ABCA2: variants seen among roughly 807,000 people sequenced by gnomAD.
The protein encoded by ABCA2 is ATP binding cassette subfamily A member 2.
ABCA2 carries 84 observed loss-of-function variants against 262.8 expected under a neutral mutation model. The observed-to-expected ratio is 0.32, with a 90% CI of 0.27 to 0.38. ABCA2 has a LOEUF of 0.38. Ranked by LOEUF, ABCA2 falls within the 10% of genes least tolerant of loss-of-function variation. The pLI is 1.00. For missense variants in ABCA2, 2,662 were observed against 3,405.9 expected (o/e 0.78, Z 5.44); for synonymous variants, 1,696 against 1,502.9 (o/e 1.13, Z -2.97).
intron 28 of ABCA2, 31 bp downstream of exon 28, chr9:137,013,801 G>A (rs1236078851): frequency 2.5e-6 from 4 of 1,575,556 alleles, no homozygotes; most frequent in Non-Finnish European, 3.4e-6. Flanking sequence ...GGGGAGGCAA[G>A]CCCAGCACCC....
rs775618875 is a variant in ABCA2 at position 137,013,875 on chromosome 9, G to A, written c.4404C>T (p.Phe1468=). Residue 1468 remains phenylalanine, a synonymous_variant, in exon 28 of 49, where the codon TTC becomes TTT. Coordinates refer to ENST00000341511, the MANE Select transcript of ABCA2 (RefSeq NM_001606.5). ...LFSQILLPAF[F]VCVAMTVALS... Reference sequence around the variant, plus strand: ...GGGCCACGGTCATGGCCACGCAGACGAAGAAGGCTGGCAGCAAGATCTGGG... The same window carrying A: ...GGGCCACGGTCATGGCCACGCAGACAAAGAAGGCTGGCAGCAAGATCTGGG... 3.3e-5 allele frequency: 54 copies of A among 1,612,010 alleles called. No homozygotes were observed. The highest frequency in any genetic ancestry group is 3.7e-5 in the Non-Finnish European group (44 of 1,179,614).
rs772250768 is a variant in ABCA2 at position 137,013,176 on chromosome 9, G to A, written c.4693C>T (p.Arg1565Cys). The A allele has an allele frequency of 8.1e-6, 13 of 1,600,190 alleles. No homozygotes were observed. Among genetic ancestry groups the A allele is most frequent in the East Asian group, 2.3e-5 (1 of 44,258 alleles). Residue 1565 changes from arginine (R) to cysteine (C), a missense_variant, in exon 30 of 49, where the codon CGC (arginine) becomes TGC (cysteine). Coordinates refer to ENST00000341511, the MANE Select transcript of ABCA2 (RefSeq NM_001606.5). ...PTLNLSSGES[R>C]LLAARFFDSM... The stretch of plus-strand genomic sequence containing the variant: ...TCGAAGAACCGAGCCGCCAGCAGGC[G>A]CGACTCCCCGCTGCTCAGGTTCAAC...
rs776878326 is a variant in ABCA2 at position 137,018,226 on chromosome 9, T to A, written c.1945A>T (p.Asn649Tyr). ...AGGAAGTAGAAGCGGCCGCCAGTAT[T>A]GGGCCCAGGCCGCCAGTAGGCGCGG... ...IRRAYWRPGP[N>Y]TGGRFYFLYG... Residue 649 changes from asparagine (N) to tyrosine (Y), a missense_variant, in exon 14 of 49, where the codon AAT (asparagine) becomes TAT (tyrosine). Coordinates refer to ENST00000341511, the MANE Select transcript of ABCA2 (RefSeq NM_001606.5). The A allele has an allele frequency of 2.5e-6, 4 of 1,609,882 alleles. No homozygotes were observed. In the Admixed American group the frequency reaches 6.7e-5, roughly 27 times the overall value.
At position 137,010,293 on chromosome 9, in the gene ABCA2, C is replaced by G. The variant is rs1830988404; in HGVS notation, c.6253G>C (p.Gly2085Arg). The change falls in exon 41 of 49, where the codon GGG (glycine) becomes CGG (arginine). Residue 2085 changes from glycine (G) to arginine (R), a missense_variant. Physicochemically the swap from Gly to Arg is moderately radical, Grantham distance 125. Coordinates refer to ENST00000341511, the MANE Select transcript of ABCA2 (RefSeq NM_001606.5). Reference sequence around the variant, plus strand: ...CCCGCACCGTTGACGCCCAGGAGCCCGAAGCACTCGCCAGGACGCACACCC... The same window carrying G: ...CCCGCACCGTTGACGCCCAGGAGCCGGAAGCACTCGCCAGGACGCACACCC... Reference protein sequence around the residue: ...CLGVRPGECFGLLGVNGAGKT... With the variant: ...CLGVRPGECFRLLGVNGAGKT... The G allele has an allele frequency of 6.3e-7, 1 of 1,594,030 alleles. No homozygotes were observed. Among genetic ancestry groups the G allele is most frequent in the South Asian group, 1.1e-5 (1 of 88,062 alleles).
At chr9:137,010,167 C>T (rs1458750964) in intron 41 of ABCA2, 26 bp downstream of exon 41, 2 of 1,594,168 alleles carry the variant, frequency 1.3e-6, no homozygotes, top group South Asian at 1.1e-5. Context: ...CGCGGCGGCC[C>T]CGCCCACCCA....
chr9:137,028,779 GGGGAAACTCGA>G (rs531521895), upstream of ABCA2: 105 of 1,292,350 alleles, frequency 8.1e-5, no homozygotes, highest in South Asian at 1.3e-3. This position sits in a 1 kb window ranked among gnomAD's most constrained non-coding sequence, Gnocchi z 6.9. Flanking sequence ...CAGCGGAAGG[GGGGAAACTCGA>G]GGCCCCAGGA....
chr9:137,028,257 G>T (rs1323180419), upstream of ABCA2: 2 of 978,356 alleles, frequency 2.0e-6, no homozygotes, highest in African/African-American at 3.6e-5. This position sits in a 1 kb window ranked among gnomAD's most constrained non-coding sequence, Gnocchi z 6.9. Context: ...GCGCTCGGGC[G>T]TCCGGGACCC....
chr9:137,020,395 T>G lies in ABCA2; in HGVS notation c.1366A>C (p.Ser456Arg), dbSNP rs1831409638. 2 of 1,613,148 alleles carry G rather than the reference T, an allele frequency of 1.2e-6. No individual in the cohort carries two copies. Among genetic ancestry groups the G allele is most frequent in the Non-Finnish European group, 1.7e-6 (2 of 1,179,988 alleles). Residue 456 changes from serine (S) to arginine (R), a missense_variant, in exon 10 of 49, where the codon AGC becomes CGC. Ser to Arg is a moderately radical substitution (Grantham distance 110). Transcript: ENST00000341511. ...NLGLLVHLMT[S>R]NPKILYAPAG... ...GGCGCGTACAGGATTTTGGGGTTGC[T>G]GGTCATGAGGTGCACGAGGAGGCCC...
In ABCA2 at chr9:137,012,891, C is replaced by T. The variant is rs778705261; in HGVS notation, c.4902G>A (p.Leu1634=). The T allele has an allele frequency of 2.6e-6, 4 of 1,560,474 alleles. No homozygotes were observed. In the African/African-American group the frequency reaches 5.4e-5, roughly 21 times the overall value. The part of the protein sequence containing the change: ...MWTSAPSLPR[L]VREPVRCTCS... ...AGGTGCAGCGGACGGGCTCCCGTAC[C>T]AGGCGCGGCAGGGAGGGTGCCGACG... The change falls in exon 31 of 49, where the codon CTG becomes CTA. Residue 1634 remains leucine, a synonymous_variant. Coordinates refer to ENST00000341511, the MANE Select transcript of ABCA2 (RefSeq NM_001606.5).
Position 137,020,994 on chromosome 9 carries a change from G to A in ABCA2, c.965C>T (p.Ala322Val), listed in dbSNP as rs369679122. 39 of 1,511,934 alleles carry A rather than the reference G, an allele frequency of 2.6e-5. No homozygotes were observed. The highest frequency in any genetic ancestry group is 1.7e-4 in the African/African-American group (12 of 71,730). The allele number at this position is 1,511,934 out of a possible 1,614,324, so 93.7% of individuals were successfully genotyped here. ...PQAPPPRRLQ[A>V]LLGDLLDAQK... ...GGCATCCAGCAGGTCCCCCAGAAGC[G>A]CCTGCAGCCTCCGTGGGGGTGGCGC... is the stretch of plus-strand genomic sequence containing the variant. Residue 322 changes from alanine (A) to valine (V), a missense_variant, in exon 9 of 49, where the codon GCG (alanine) becomes GTG (valine). Coordinates refer to ENST00000341511, the MANE Select transcript of ABCA2 (RefSeq NM_001606.5).
rs748510959 is a variant in ABCA2 at position 137,015,016 on chromosome 9, T to C, written c.3779A>G (p.Lys1260Arg). The stretch of plus-strand genomic sequence containing the variant: ...GACCAGCAGGCAGGAGGCCACATGC[T>C]TGCGGATGAACTGGGACACCTGGAG... ...SELQVSQFIR[K>R]HVASCLLVSD... Residue 1260 changes from lysine to arginine, a missense_variant, in exon 25 of 49, where the codon AAG becomes AGG. This residue lies in a region of ABCA2 where 297 missense variants were observed against 286.5 expected (regional missense o/e 1.04). Coordinates refer to ENST00000341511, the MANE Select transcript of ABCA2 (RefSeq NM_001606.5). 6.2e-6 allele frequency: 10 copies of C among 1,605,964 alleles called. No individual in the cohort carries two copies. The South Asian group carries it at 1.1e-4, about 18-fold the overall frequency.
In ABCA2 at chr9:137,017,513, G is replaced by A. The variant is rs1831305115; in HGVS notation, c.2391C>T (p.Thr797=). 7 of 1,607,898 alleles carry A rather than the reference G, an allele frequency of 4.4e-6. No individual in the cohort carries two copies. The highest frequency in any genetic ancestry group is 6.0e-6 in the Non-Finnish European group (7 of 1,176,084). ...TGGCCCGCGCTCACCAGAACATGAT[G>A]GTGGCCACCGCGTAGACTGCCAGGA... is the stretch of plus-strand genomic sequence containing the variant. ...WLFLAVYAVA[T]IMFCFLVSVL... Residue 797 remains threonine, a synonymous_variant, in exon 17 of 49, where the codon ACC becomes ACT. Coordinates refer to ENST00000341511, the MANE Select transcript of ABCA2 (RefSeq NM_001606.5).
rs776541559 is a variant in ABCA2, at chr9:137,014,409, C to G, written c.4004-5G>C. 3.8e-6 allele frequency: 6 copies of G among 1,583,102 alleles called. No individual in the cohort carries two copies. Among genetic ancestry groups the G allele is most frequent in the Non-Finnish European group, 5.1e-6 (6 of 1,165,558 alleles). ...CCTTCCTGGACTCCTTCACATCTGC[C>G]GCAGTGGAAGGGCCGAGGGGACACT... On this transcript the variant is annotated splice_polypyrimidine_tract_variant and splice_region_variant and intron_variant, in intron 26 of 48. Coordinates refer to ENST00000341511, the MANE Select transcript of ABCA2 (RefSeq NM_001606.5).
chr9:137,022,082 T>TG (rs1183518620), intron 6 of ABCA2, 81 bp from the exon 7 acceptor site: 19 of 268,190 alleles, frequency 7.1e-5, no homozygotes, highest in Middle Eastern at 1.2e-3. Context: ...GATGGACGTG[T>TG]GGGGGCGTGG....
At position 137,013,016 on chromosome 9, in the gene ABCA2, G is replaced by C. The variant is rs1183139992; in HGVS notation, c.4853C>G (p.Pro1618Arg). Residue 1618 changes from proline to arginine, a missense_variant, in exon 30 of 49, where the codon CCC becomes CGC. Transcript: ENST00000341511. The part of the protein sequence containing the change: ...DLQAWNVSLP[P>R]TAGPEMWTSA... ...TGAACCACTACCTGGCCCAGCGGTG[G>C]GCGGCAGGGAGACGTTCCAGGCCTG... 2.0e-6 allele frequency: 3 copies of C among 1,506,446 alleles called. No individual in the cohort carries two copies. Among genetic ancestry groups the C allele is most frequent in the African/African-American group, 1.4e-5 (1 of 72,576 alleles). 93.3% of individuals were successfully genotyped at this position (1,506,446 alleles called of 1,614,324 possible). A position where few individuals can be genotyped will look rare whatever the true frequency, so the allele number is the denominator to read the frequency against.
chr9:137,022,244 C>T (rs993048694), intron 6 of ABCA2, 107 bp downstream of exon 6: 24 of 1,419,514 alleles, frequency 1.7e-5, no homozygotes, highest in East Asian at 7.5e-5. Context: ...AAGGTTCAGA[C>T]GGTCTGGGCG....
intron 6 of ABCA2, 143 bp downstream of exon 6, chr9:137,022,208 G>A: frequency 1.9e-6 from 2 of 1,068,828 alleles, no homozygotes; most frequent in East Asian, 3.0e-5. Flanking sequence ...CTCAGAGAGT[G>A]GGGGCGTGGC....
Position 137,009,826 on chromosome 9 carries a change from G to T in ABCA2, c.6573C>A (p.Asn2191Lys). 1.2e-6 allele frequency: 2 copies of T among 1,612,526 alleles called. No homozygotes were observed. The highest frequency in any genetic ancestry group is 8.5e-7 in the Non-Finnish European group (1 of 1,179,802). The change falls in exon 43 of 49, where the codon AAC (asparagine) becomes AAA (lysine). Residue 2191 changes from asparagine to lysine, a missense_variant. Around this residue, in one of 12 missense-constraint regions of ABCA2, gnomAD observed 602 missense variants for 897.4 expected, o/e 0.67. Transcript: ENST00000341511. Reference protein sequence around the residue: ...DKPAGTYSGGNKRKLSTAIAL... With the variant: ...DKPAGTYSGGKKRKLSTAIAL... ...CGATGGCCGTGGAGAGCTTCCGCTT[G>T]TTGCCGCCGCTGTAGGTGCCAGCCG...
rs1334674735 is a variant in ABCA2, at chr9:137,019,444, T to C, written c.1426-138A>G. 6 of 940,980 alleles carry C rather than the reference T, an allele frequency of 6.4e-6. No individual in the cohort carries two copies. The highest frequency in any genetic ancestry group is 9.2e-6 in the Non-Finnish European group (6 of 653,236). 58.3% of individuals were successfully genotyped at this position (940,980 alleles called of 1,614,324 possible). ...CCCACCTTTTTTTTTTTTTTTTTCC[T>C]GAGACAGGGTCTCAGTCACCCACGC... On this transcript the variant is annotated intron_variant, in intron 10 of 48. Coordinates refer to ENST00000341511, the MANE Select transcript of ABCA2 (RefSeq NM_001606.5). The surrounding 1 kb of genome is among the most constrained non-coding windows in gnomAD (Gnocchi z 4.4).
Sources: allele counts gnomAD v4.1 joint callset, GRCh38; gene constraint gnomAD v4.1.1; regional missense constraint gnomAD v4.1.1; non-coding constraint Gnocchi (gnomAD v3.1); transcripts MANE v1.5; gene names NCBI Gene and HGNC (gene_info 2026-07-23, HGNC 2026-07-21).